Variants in MANEA observed in about 807,000 individuals in gnomAD.
The protein encoded by MANEA is mannosidase endo-alpha.
In MANEA, 25 loss-of-function variants were observed where a neutral mutation model predicts 36.8. The ratio of observed to expected loss-of-function variants is 0.68; its 90% CI spans 0.50 to 0.95. The LOEUF (loss-of-function observed/expected upper bound fraction) is 0.95. Among genes scored for constraint, MANEA ranks in the 40% least tolerant of loss-of-function variants. MANEA has a pLI of 0.00. For missense variants in MANEA, 565 were observed against 558.8 expected (o/e 1.01, Z -0.11); for synonymous variants, 198 against 188.5 (o/e 1.05, Z -0.41).
chr6:95,606,050 G>A lies in MANEA; in HGVS notation c.1034G>A (p.Cys345Tyr). Residue 345 changes from cysteine (C) to tyrosine (Y), a missense_variant, in exon 5 of 5, where the codon TGT becomes TAT. Cys to Tyr is a radical substitution (Grantham distance 194). Transcript: ENST00000358812. Reference sequence around the variant, plus strand: ...AATTGGGCTAGCCTAAAATTATTTTGTGATAAATACAACTTAATATTTATC... The same window carrying A: ...AATTGGGCTAGCCTAAAATTATTTTATGATAAATACAACTTAATATTTATC... ...HQNWASLKLF[C>Y]DKYNLIFIPS... is the part of the protein sequence containing the mutation. The A allele has an allele frequency of 3.1e-6, 5 of 1,613,734 alleles. No homozygotes were observed. The highest frequency in any genetic ancestry group is 4.2e-6 in the Non-Finnish European group (5 of 1,179,918).
chr6:95,586,278 A>G, intron 1 of MANEA, 124 bp from the exon 2 acceptor site: 4 of 605,962 alleles, frequency 6.6e-6, no homozygotes, highest in South Asian at 2.2e-5. Flanking sequence ...TTTCACCAAT[A>G]TGTGATGAAA....
At position 95,605,758 on chromosome 6, in the gene MANEA, C is replaced by T; in HGVS notation, c.742C>T (p.His248Tyr). 1 of 1,605,640 alleles carries T rather than the reference C, an allele frequency of 6.2e-7. No individual in the cohort carries two copies. The change falls in exon 5 of 5, where the codon CAT (histidine) becomes TAT (tyrosine). Residue 248 changes from histidine to tyrosine, a missense_variant. By Grantham distance (83) the His-to-Tyr change is moderately conservative (BLOSUM62 2). Coordinates refer to ENST00000358812, the MANE Select transcript of MANEA (RefSeq NM_024641.4). ...ATGCTTATTTTCTAGATATGGAAAT[C>T]ATCCGGCCTTTTACAGGTACAAGAC... ...VKYIIDKYGN[H>Y]PAFYRYKTKT...
intron 2 of MANEA, among the ~76,000 whole-genome samples, chr6:95,592,765 C>T (rs1293735026): frequency 6.6e-6 from 1 of 152,090 alleles, no homozygotes; most frequent in African/African-American, 2.4e-5. Flanking sequence ...TAAAACAGGC[C>T]TTATCCTACA....
At chr6:95,592,509 G>C (rs184352028) in intron 2 of MANEA, among the ~76,000 whole-genome samples, 2 of 152,214 alleles carry the variant, frequency 1.3e-5, no homozygotes, top group Non-Finnish European at 2.9e-5. Flanking sequence ...CCCTGGGTAA[G>C]ATAGTGAAAA....
chr6:95,594,134 G>T (rs1317009094), intron 2 of MANEA, among the ~76,000 whole-genome samples: 1 of 152,054 alleles, frequency 6.6e-6, no homozygotes, highest in African/African-American at 2.4e-5. Flanking sequence ...GGTTGAAGAG[G>T]GAGGGAAAAA....
rs2127945812 is a variant in MANEA at position 95,604,699 on chromosome 6, T to C, written c.655-128T>C. ...TTGGTAAAAATTCTCTGGTAGTTTCTGTGTTCAATAAATATTCATCTTTAA... is the reference window on the plus strand; with the variant it reads ...TTGGTAAAAATTCTCTGGTAGTTTCCGTGTTCAATAAATATTCATCTTTAA... On this transcript the variant is annotated intron_variant, in intron 3 of 4. Transcript: ENST00000358812. 1.4e-5 allele frequency: 6 copies of C among 444,332 alleles called. No homozygotes were observed. In the South Asian group the frequency reaches 2.5e-4, roughly 18 times the overall value. The allele number at this position is 444,332 out of a possible 1,614,324, so 27.5% of individuals were successfully genotyped here.
At position 95,606,281 on chromosome 6, in the gene MANEA, C is replaced by T. The variant is rs778338293; in HGVS notation, c.1265C>T (p.Thr422Ile). Residue 422 changes from threonine to isoleucine, a missense_variant, in exon 5 of 5, where the codon ACA (threonine) becomes ATA (isoleucine). Physicochemically the swap from Thr to Ile is moderately conservative, Grantham distance 89 (BLOSUM62 -1). Transcript: ENST00000358812. ...GCTGTTCCCAAAAGAACCAGTAATA[C>T]AGTGTACCTAGATTACCGTCCTCAT... The part of the protein sequence containing the change: ...EKAVPKRTSN[T>I]VYLDYRPHKP... 1.2e-6 allele frequency: 2 copies of T among 1,613,362 alleles called. No individual in the cohort carries two copies. Among genetic ancestry groups the T allele is most frequent in the East Asian group, 2.2e-5 (1 of 44,860 alleles).
intron 3 of MANEA, among the ~76,000 whole-genome samples, chr6:95,597,130 A>T (rs911771963): frequency 1.3e-5 from 2 of 152,028 alleles, no homozygotes; most frequent in African/African-American, 2.4e-5. Flanking sequence ...TTATATGTCT[A>T]AATATCTTAG....
intron 2 of MANEA, among the ~76,000 whole-genome samples, chr6:95,591,106 A>G (rs1427086802): frequency 6.6e-6 from 1 of 152,198 alleles, no homozygotes; most frequent in Non-Finnish European, 1.5e-5. Flanking sequence ...ACTCTTTTCA[A>G]TAATCAGTTG....
chr6:95,583,813 A>T (rs1052374017), intron 1 of MANEA, among the ~76,000 whole-genome samples: 3 of 152,144 alleles, frequency 2.0e-5, no homozygotes. Context: ...CTTTTATGTT[A>T]TTCTTTATAT....
chr6:95,585,973 G>A (rs899086375), intron 1 of MANEA, among the ~76,000 whole-genome samples: 3 of 152,206 alleles, frequency 2.0e-5, no homozygotes, highest in Admixed American at 1.3e-4. Context: ...GACCAGCCTG[G>A]TCAACATAGT....
Position 95,586,739 on chromosome 6 carries a change from C to T in MANEA, c.300C>T (p.Asn100=). The T allele has an allele frequency of 6.2e-7, 1 of 1,613,598 alleles. No homozygotes were observed. The highest frequency in any genetic ancestry group is 8.5e-7 in the Non-Finnish European group (1 of 1,179,642). ...ELNLDELPPL[N]NYLHVFYYSW... ...ACTTGGATGAACTACCACCTCTGAACAATTATCTACATGTATTTTATTACA... is the reference window on the plus strand; with the variant it reads ...ACTTGGATGAACTACCACCTCTGAATAATTATCTACATGTATTTTATTACA... Residue 100 remains asparagine, a synonymous_variant, in exon 2 of 5, where the codon AAC becomes AAT. Transcript: ENST00000358812.
At chr6:95,591,902 C>T (rs1455293148) in intron 2 of MANEA, among the ~76,000 whole-genome samples, 1 of 152,142 alleles carries the variant, frequency 6.6e-6, no homozygotes. Context: ...CAAGGTTTCA[C>T]CATGTTGTCC....
chr6:95,601,087 C>T (rs559159548), intron 3 of MANEA, among the ~76,000 whole-genome samples: 2 of 152,080 alleles, frequency 1.3e-5, no homozygotes, highest in South Asian at 4.2e-4. Flanking sequence ...AAATTTAAAT[C>T]TTGATTTTTC....
intron 3 of MANEA, among the ~76,000 whole-genome samples, chr6:95,599,412 A>G (rs887292180): frequency 5.0e-4 from 50 of 99,360 alleles, no homozygotes; most frequent in East Asian, 5.7e-4. Context: ...GTGAGAGTCT[A>G]TCTCAAAAAA....
chr6:95,591,396 C>CT (rs1400406621), intron 2 of MANEA, among the ~76,000 whole-genome samples: 1 of 151,838 alleles, frequency 6.6e-6, no homozygotes, highest in African/African-American at 2.4e-5. Context: ...TATTCCATTT[C>CT]TTTTTTTCTT....
intron 1 of MANEA, among the ~76,000 whole-genome samples, chr6:95,581,712 A>T (rs1376183500): frequency 6.6e-6 from 1 of 152,210 alleles, no homozygotes; most frequent in Non-Finnish European, 1.5e-5. Context: ...TTTATTATAT[A>T]TCTTGATCTT....
intron 2 of MANEA, among the ~76,000 whole-genome samples, chr6:95,596,061 C>T (rs1769475677): frequency 6.6e-6 from 1 of 152,070 alleles, no homozygotes; most frequent in African/African-American, 2.4e-5. Flanking sequence ...CCTAAAAATT[C>T]AAGTTGCTAA....
chr6:95,606,418 A>G lies in MANEA; in HGVS notation c.*13A>G. ...GCCTGTTTCTTAATGCATTGATTAA[A>G]GTTTAATAGTTATCAAAATCACCTA... On this transcript the variant is annotated 3_prime_UTR_variant, in exon 5 of 5. Transcript: ENST00000358812. The G allele has an allele frequency of 6.5e-7, 1 of 1,533,514 alleles. No homozygotes were observed. 95.0% of individuals were successfully genotyped at this position (1,533,514 alleles called of 1,614,324 possible). A position where few individuals can be genotyped will look rare whatever the true frequency, so the allele number is the denominator to read the frequency against.
Sources: allele counts gnomAD v4.1 joint callset (sites outside exome capture counted in the v4.1 genomes callset), GRCh38; gene constraint gnomAD v4.1.1; transcripts MANE v1.5; gene names NCBI Gene and HGNC (gene_info 2026-07-23, HGNC 2026-07-21).